SPC25: variants seen among roughly 807,000 people sequenced by gnomAD.
SPC25 encodes the protein kinetochore protein Spc25.
Under a neutral mutation model 29.6 loss-of-function variants are expected in SPC25, and 22 were observed. The observed-to-expected ratio is 0.74, with a 90% CI of 0.53 to 1.06. The LOEUF is 1.06. Ranked by LOEUF, SPC25 falls within the 50% of genes least tolerant of loss-of-function variation. The pLI is 0.00. For missense variants in SPC25, 230 were observed against 255.8 expected, an observed-to-expected ratio of 0.90 and a Z score of 0.69; for synonymous variants, 91 against 90.4, an observed-to-expected ratio of 1.01 and a Z score of -0.04.
chr2:168,871,612 A>G, intron 6 of SPC25, 57 bp from the exon 7 acceptor site: 1 of 1,461,978 alleles, frequency 6.8e-7, no homozygotes, highest in Non-Finnish European at 9.2e-7. Context: ...TTTATGGCAC[A>G]GAAGTATTTC....
chr2:168,882,259 G>A (rs2105831351), intron 3 of SPC25, among the ~76,000 whole-genome samples: 1 of 152,302 alleles, frequency 6.6e-6, no homozygotes, highest in Non-Finnish European at 1.5e-5. Context: ...AAAAGAAGAG[G>A]AAAAACACTC....
At chr2:168,883,368 A>ATG (rs1303889540) in intron 3 of SPC25, among the ~76,000 whole-genome samples, 6 of 152,220 alleles carry the variant, frequency 3.9e-5, no homozygotes, top group Non-Finnish European at 8.8e-5. Context: ...TTCTAAGAAT[A>ATG]TGAACATGAT....
intron 4 of SPC25, chr2:168,861,887 T>C: frequency 1.4e-6 from 2 of 1,381,416 alleles, no homozygotes; most frequent in Non-Finnish European, 2.0e-6. Context: ...CACTGTTAAA[T>C]AACCAAAGAG....
At chr2:168,871,984 C>CTT (rs35154529) in intron 6 of SPC25, among the ~76,000 whole-genome samples, 10 of 147,686 alleles carry the variant, frequency 6.8e-5, no homozygotes, top group Non-Finnish European at 9.0e-5. Context: ...GAACAATTTT[C>CTT]TTTTTTTTTG....
chr2:168,886,667 C>T (rs1467970798), intron 3 of SPC25, among the ~76,000 whole-genome samples: 2 of 151,968 alleles, frequency 1.3e-5, no homozygotes, highest in Non-Finnish European at 1.5e-5. Context: ...CCATAGGCGC[C>T]GGCCACCAGG....
chr2:168,865,015 T>C (rs776294886), intron 4 of SPC25: 2 of 1,597,210 alleles, frequency 1.3e-6, no homozygotes, highest in African/African-American at 1.3e-5. Flanking sequence ...TAATCAACAA[T>C]ACAGTGTGGT....
At chr2:168,863,381 A>AAAGT (rs1230376663) in intron 4 of SPC25, 1 of 983,200 alleles carries the variant, frequency 1.0e-6, no homozygotes, top group Non-Finnish European at 1.2e-6. Context: ...TCTTAGAAAG[A>AAAGT]AAGTTGCTGA....
intron 4 of SPC25, chr2:168,865,013 A>G (rs765124040): frequency 1.3e-6 from 2 of 1,597,066 alleles, no homozygotes; most frequent in Non-Finnish European, 8.5e-7. Context: ...GGTAATCAAC[A>G]ATACAGTGTG....
chr2:168,861,812 G>A, intron 4 of SPC25: 1 of 672,934 alleles, frequency 1.5e-6, no homozygotes, highest in East Asian at 2.7e-5. Context: ...ATCAAGGAAT[G>A]AACATTATAT....
rs539540230 is a variant in SPC25, at chr2:168,877,509, T to C, written c.200-125A>G. On this transcript the variant is annotated intron_variant, in intron 3 of 6. Coordinates refer to ENST00000282074, the MANE Select transcript of SPC25 (RefSeq NM_020675.4). Reference sequence around the variant, plus strand: ...AATGTTTTGACTGATAAGCATTTTCTAATGATTCAAAATTATAAAAGACAA... The same window carrying C: ...AATGTTTTGACTGATAAGCATTTTCCAATGATTCAAAATTATAAAAGACAA... 3.7e-5 allele frequency: 40 copies of C among 1,075,020 alleles called. No homozygotes were observed. In the South Asian group the frequency reaches 6.2e-4, roughly 17 times the overall value. The allele number at this position is 1,075,020 out of a possible 1,614,324, so 66.6% of individuals were successfully genotyped here. A position where few individuals can be genotyped will look rare whatever the true frequency, so the allele number is the denominator to read the frequency against.
intron 6 of SPC25, among the ~76,000 whole-genome samples, chr2:168,873,245 T>C (rs1345618033): frequency 1.3e-5 from 2 of 152,230 alleles, no homozygotes; most frequent in African/African-American, 2.4e-5. Flanking sequence ...TATTCACATT[T>C]AAGCAGCCAT....
chr2:168,882,726 A>G (rs1690198162), intron 3 of SPC25, among the ~76,000 whole-genome samples: 2 of 152,236 alleles, frequency 1.3e-5, no homozygotes, highest in Non-Finnish European at 1.5e-5. Flanking sequence ...TTTTAATCTC[A>G]AGAGGAAGAC....
At chr2:168,885,988 C>T (rs569884734) in intron 3 of SPC25, among the ~76,000 whole-genome samples, 4 of 151,968 alleles carry the variant, frequency 2.6e-5, no homozygotes, top group African/African-American at 7.2e-5. Context: ...CTGGAAGAAC[C>T]AAACCCTCCA....
Position 168,889,534 on chromosome 2 carries a change from C to T in SPC25, c.-14-1G>A. 3 of 1,609,822 alleles carry T rather than the reference C, an allele frequency of 1.9e-6. No individual in the cohort carries two copies. The highest frequency in any genetic ancestry group is 2.5e-6 in the Non-Finnish European group (3 of 1,178,154). On this transcript the variant is annotated splice_acceptor_variant, in intron 1 of 6. Transcript: ENST00000282074. LOFTEE classifies it low-confidence loss of function (5UTR_SPLICE). Reference sequence around the variant, plus strand: ...TCCTCTACCATTATGTAGGACAATGCTAAAAACAGAATACATATTGCATTT... The same window carrying T: ...TCCTCTACCATTATGTAGGACAATGTTAAAAACAGAATACATATTGCATTT...
chr2:168,890,336 G>C lies in SPC25; in HGVS notation c.-33C>G, dbSNP rs1276917723. ...CCCTTACCTTCGCAGGCAGGCCTGAGTCCCGCCGCCTTCCCCACACCAGAT... is the reference window on the plus strand; with the variant it reads ...CCCTTACCTTCGCAGGCAGGCCTGACTCCCGCCGCCTTCCCCACACCAGAT... On this transcript the variant is annotated 5_prime_UTR_variant, in exon 1 of 7. Coordinates refer to ENST00000282074, the MANE Select transcript of SPC25 (RefSeq NM_020675.4). 2.0e-6 allele frequency: 2 copies of C among 985,430 alleles called. No individual in the cohort carries two copies. The highest frequency in any genetic ancestry group is 1.2e-6 in the Non-Finnish European group (1 of 830,034). 61.0% of individuals were successfully genotyped at this position (985,430 alleles called of 1,614,324 possible).
chr2:168,866,128 A>C (rs1008052948), downstream of SPC25, among the ~76,000 whole-genome samples: 1 of 152,308 alleles, frequency 6.6e-6, no homozygotes, highest in African/African-American at 2.4e-5. Context: ...ACTACTTTAA[A>C]GTTCATATGG....
intron 3 of SPC25, among the ~76,000 whole-genome samples, chr2:168,880,706 C>T (rs1177480359): frequency 6.6e-6 from 1 of 152,148 alleles, no homozygotes; most frequent in Non-Finnish European, 1.5e-5. Flanking sequence ...CCTATGACTC[C>T]TTCTTTCAGT....
chr2:168,879,457 T>C (rs1315789034), intron 3 of SPC25, among the ~76,000 whole-genome samples: 1 of 152,220 alleles, frequency 6.6e-6, no homozygotes, highest in Non-Finnish European at 1.5e-5. Flanking sequence ...TCCTTATCCA[T>C]TCAAGTTTTA....
At chr2:168,863,566 G>A (rs984022958) in intron 4 of SPC25, 5 of 985,010 alleles carry the variant, frequency 5.1e-6, no homozygotes, top group Non-Finnish European at 6.0e-6. Context: ...TTGAATCATT[G>A]CTTTAAAAAA....
Sources: gnomAD v4.1 joint callset for allele counts (sites outside exome capture counted in the v4.1 genomes callset) on GRCh38, gnomAD v4.1.1 for gene constraint, MANE v1.5 for transcripts, NCBI Gene and HGNC (gene_info 2026-07-23, HGNC 2026-07-21) for gene names.